RBFOX1: variants seen among roughly 807,000 people sequenced by gnomAD.
The protein encoded by RBFOX1 is RNA binding fox-1 homolog 1, also known as RNA binding protein fox-1 homolog 1.
In RBFOX1, 8 loss-of-function variants were observed where a neutral mutation model predicts 57.7. The ratio of observed to expected loss-of-function variants is 0.14; its 90% CI spans 0.08 to 0.25. RBFOX1 has a LOEUF of 0.25. Among genes scored for constraint, RBFOX1 ranks in the 10% least tolerant of loss-of-function variants. RBFOX1 has a pLI of 1.00. For synonymous variants in RBFOX1, 326 were observed against 222.4 expected (o/e 1.47, Z -4.15); for missense variants, 611 against 548.5 (o/e 1.11, Z -1.14).
At position 6,432,699 on chromosome 16, in the gene RBFOX1, G is replaced by C. The variant is rs536389807; in HGVS notation, c.-64+115642G>C. Among the ~76,000 whole-genome samples the C allele has an allele frequency of 5.9e-5, 9 of 151,910 alleles. No homozygotes were observed. In the East Asian group the frequency reaches 1.8e-3, roughly 30 times the overall value. On this transcript the variant is annotated intron_variant, in intron 2 of 15. Transcript: ENST00000550418. ...CCTGTCTCAAGAAAAATAATAATAG[G>C]CTGGGTGCAATGGCTTATGTCTGTA...
intron 3 of RBFOX1, among the ~76,000 whole-genome samples, chr16:6,779,017 T>G (rs1191360731): frequency 1.3e-5 from 2 of 151,944 alleles, no homozygotes; most frequent in African/African-American, 4.8e-5. Flanking sequence ...TTGCAAACAT[T>G]CCAAAACTAC....
chr16:6,309,748 G>A (rs2080008252), intron 1 of RBFOX1, among the ~76,000 whole-genome samples: 2 of 151,946 alleles, frequency 1.3e-5, no homozygotes, highest in Admixed American at 1.3e-4. Flanking sequence ...AGGCTGGGAG[G>A]AACAGAAGCA....
intron 2 of RBFOX1, among the ~76,000 whole-genome samples, chr16:6,356,369 T>C (rs551697712): frequency 2.0e-5 from 3 of 152,324 alleles, no homozygotes; most frequent in East Asian, 1.9e-4. Flanking sequence ...CCCCAGGAGA[T>C]TGAGGCTGCC....
intron 1 of RBFOX1, among the ~76,000 whole-genome samples, chr16:6,150,354 A>G (rs1251874574): frequency 6.6e-6 from 1 of 152,206 alleles, no homozygotes. Context: ...GCAGAGAACC[A>G]GGAGAGAAGA....
At chr16:6,737,270 A>T (rs999320146) in intron 3 of RBFOX1, among the ~76,000 whole-genome samples, 2 of 152,270 alleles carry the variant, frequency 1.3e-5, no homozygotes, top group Non-Finnish European at 2.9e-5. Context: ...ATTTCTTCTG[A>T]CAAAAGTTCA....
intron 4 of RBFOX1, among the ~76,000 whole-genome samples, chr16:5,971,033 A>G (rs990142588): frequency 6.6e-6 from 1 of 152,186 alleles, no homozygotes; most frequent in African/African-American, 2.4e-5. Flanking sequence ...ATACCAGAGG[A>G]TGCTCCCTGT....
At chr16:6,218,831 C>T (rs999404340) in intron 1 of RBFOX1, among the ~76,000 whole-genome samples, 9 of 139,774 alleles carry the variant, frequency 6.4e-5, no homozygotes, top group African/African-American at 2.1e-4. Flanking sequence ...AGTTAAGTCC[C>T]AAATGGAGAC....
intron 3 of RBFOX1, among the ~76,000 whole-genome samples, chr16:5,782,486 C>A (rs1411386905): frequency 6.6e-6 from 1 of 152,182 alleles, no homozygotes; most frequent in African/African-American, 2.4e-5. Flanking sequence ...AACACTGTTG[C>A]ATTGGGGATT....
intron 3 of RBFOX1, among the ~76,000 whole-genome samples, chr16:6,667,067 A>G (rs1240541065): frequency 6.6e-6 from 1 of 152,156 alleles, no homozygotes; most frequent in Non-Finnish European, 1.5e-5. Context: ...TGTTAGTCGT[A>G]CTTTCCTCTT....
intron 3 of RBFOX1, among the ~76,000 whole-genome samples, chr16:5,762,692 G>A (rs1171974732): frequency 6.6e-5 from 10 of 152,038 alleles, no homozygotes; most frequent in Non-Finnish European, 1.5e-4. Flanking sequence ...CCAATAACGG[G>A]GAAAAAAATC....
chr16:6,398,607 A>G (rs541843508), intron 2 of RBFOX1, among the ~76,000 whole-genome samples: 4 of 152,318 alleles, frequency 2.6e-5, no homozygotes, highest in Admixed American at 6.5e-5. Flanking sequence ...GTCTTTAAAC[A>G]TTAAAGTTCC....
chr16:6,132,782 T>C (rs773587014), intron 1 of RBFOX1, among the ~76,000 whole-genome samples: 1 of 150,728 alleles, frequency 6.6e-6, no homozygotes, highest in African/African-American at 2.4e-5. Context: ...AGGTCAGGAG[T>C]TCAAGACCAG....
intron 3 of RBFOX1, among the ~76,000 whole-genome samples, chr16:6,944,195 G>C (rs116073231): frequency 0.014 from 2,059 of 152,034 alleles, 55 homozygotes; most frequent in African/African-American, 0.047. Context: ...AGGAGTTCAA[G>C]ATCAGCCTGC....
intron 3 of RBFOX1, among the ~76,000 whole-genome samples, chr16:5,743,370 C>G (rs993281806): frequency 1.3e-5 from 2 of 152,152 alleles, no homozygotes; most frequent in African/African-American, 4.8e-5. Flanking sequence ...TCAGACATAT[C>G]AGAGTTCTCT....
At chr16:7,159,648 C>A (rs1471015088) in intron 4 of RBFOX1, among the ~76,000 whole-genome samples, 1 of 152,180 alleles carries the variant, frequency 6.6e-6, no homozygotes, top group East Asian at 1.9e-4. Context: ...TGTGCTGGTT[C>A]TGGAGAGCGC....
intron 2 of RBFOX1, among the ~76,000 whole-genome samples, chr16:5,535,540 C>T (rs1362157813): frequency 6.6e-6 from 1 of 152,136 alleles, no homozygotes; most frequent in African/African-American, 2.4e-5. Flanking sequence ...AGTTTCCAGC[C>T]CTAGGAATAA....
intron 1 of RBFOX1, among the ~76,000 whole-genome samples, chr16:5,410,436 A>G (rs2151462392): frequency 6.6e-6 from 1 of 152,346 alleles, no homozygotes; most frequent in African/African-American, 2.4e-5. Flanking sequence ...AGGTTTCCCA[A>G]CAAAGAAAAG....
intron 2 of RBFOX1, among the ~76,000 whole-genome samples, chr16:6,603,019 T>A (rs1276028214): frequency 6.6e-6 from 1 of 152,178 alleles, no homozygotes; most frequent in Non-Finnish European, 1.5e-5. Context: ...GTTTCCCAAT[T>A]TTATTTATTT....
intron 2 of RBFOX1, among the ~76,000 whole-genome samples, chr16:6,606,432 G>C (rs563274874): frequency 1.3e-5 from 2 of 152,146 alleles, no homozygotes; most frequent in East Asian, 3.9e-4. Context: ...GTAAACGTGT[G>C]CCATAGTGAT....
Sources: gnomAD v4.1 joint callset for allele counts (sites outside exome capture counted in the v4.1 genomes callset) on GRCh38, gnomAD v4.1.1 for gene constraint, MANE v1.5 for transcripts, NCBI Gene and HGNC (gene_info 2026-07-23, HGNC 2026-07-21) for gene names.